TSNARE1: variants seen among roughly 807,000 people sequenced by gnomAD.
TSNARE1 encodes t-SNARE domain containing 1.
TSNARE1 carries 49 observed loss-of-function variants against 62.0 expected under a neutral mutation model. The observed-to-expected ratio is 0.79, with a 90% CI of 0.63 to 1.00. The LOEUF (loss-of-function observed/expected upper bound fraction) is 1.00, where lower values mean the gene tolerates loss of function less well. TSNARE1 is among the 50% of genes least tolerant of loss of function. The pLI, the probability that TSNARE1 is intolerant of heterozygous loss-of-function variation, is 0.00. For synonymous variants in TSNARE1, 328 were observed against 294.4 expected (o/e 1.11, Z -1.17); for missense variants, 755 against 700.1 (o/e 1.08, Z -0.88).
At chr8:142,356,685 G>A (rs1054755190) in intron 1 of TSNARE1, among the ~76,000 whole-genome samples, 1 of 152,164 alleles carries the variant, frequency 6.6e-6, no homozygotes, top group African/African-American at 2.4e-5. Context: ...CAATCACAGA[G>A]GCGCTTTACT....
chr8:142,287,166 C>T (rs943447075), intron 10 of TSNARE1, among the ~76,000 whole-genome samples: 2 of 150,570 alleles, frequency 1.3e-5, no homozygotes, highest in East Asian at 2.0e-4. Context: ...GACAGTGGGC[C>T]GCCCTCCAGG....
intron 1 of TSNARE1, among the ~76,000 whole-genome samples, chr8:142,385,228 A>T (rs938070815): frequency 1.3e-5 from 2 of 152,206 alleles, no homozygotes; most frequent in African/African-American, 4.8e-5. Flanking sequence ...GACACCTCCA[A>T]GACCCTGAAA....
chr8:142,398,234 TCCCAAAGCGCACCCCCAGCCCTG>T (rs1838035953), intron 1 of TSNARE1, among the ~76,000 whole-genome samples: 1 of 121,690 alleles, frequency 8.2e-6, no homozygotes, highest in Non-Finnish European at 1.7e-5. Flanking sequence ...CCCCAAACCC[TCCCAAAGCGCACCCCCAGCCCTG>T]CCCAAAACAC....
At chr8:142,330,810 A>G in intron 6 of TSNARE1, 91 bp downstream of exon 6, 1 of 1,337,964 alleles carries the variant, frequency 7.5e-7, no homozygotes, top group Admixed American at 1.8e-5. Flanking sequence ...GTGTGGACAA[A>G]GCCCGTGTGC....
At chr8:142,334,071 G>A (rs1205848237) in intron 4 of TSNARE1, among the ~76,000 whole-genome samples, 1 of 152,242 alleles carries the variant, frequency 6.6e-6, no homozygotes, top group African/African-American at 2.4e-5. Context: ...TGACAACAGG[G>A]AGTGTAAATG....
intron 1 of TSNARE1, among the ~76,000 whole-genome samples, chr8:142,370,523 G>A (rs1835849212): frequency 6.6e-6 from 1 of 152,132 alleles, no homozygotes; most frequent in African/African-American, 2.4e-5. Flanking sequence ...AGTGAGCCAA[G>A]CACCACCGCA....
At chr8:142,405,709 T>G (rs1236157425), upstream of TSNARE1, 1 of 109,714 alleles carries the variant, frequency 9.1e-6, no homozygotes, top group Non-Finnish European at 1.8e-5. Context: ...CCTTCCTCTC[T>G]ACCCTCTGCT....
At chr8:142,331,108 T>G in intron 5 of TSNARE1, 138 bp from the exon 6 acceptor site, 1 of 710,898 alleles carries the variant, frequency 1.4e-6, no homozygotes, top group Non-Finnish European at 2.4e-6. Context: ...GCAGACCACC[T>G]AAGTGGCCTG....
At chr8:142,232,325 G>A (rs900462361) in intron 12 of TSNARE1, among the ~76,000 whole-genome samples, 2 of 152,228 alleles carry the variant, frequency 1.3e-5, no homozygotes, top group South Asian at 2.1e-4. Context: ...GTTGGGTGTT[G>A]TGCCCATGCC....
intron 4 of TSNARE1, among the ~76,000 whole-genome samples, chr8:142,337,541 G>A (rs975715182): frequency 1.5e-4 from 23 of 152,238 alleles, no homozygotes; most frequent in African/African-American, 5.1e-4. Flanking sequence ...AGAAACGGCT[G>A]TTGAGTCACA....
intron 12 of TSNARE1, among the ~76,000 whole-genome samples, chr8:142,255,758 C>T (rs945906479): frequency 2.0e-5 from 1 of 50,968 alleles, no homozygotes; most frequent in Non-Finnish European, 5.3e-5. Context: ...ATCACCACCA[C>T]CATCACCATC....
intron 6 of TSNARE1, among the ~76,000 whole-genome samples, chr8:142,321,741 A>T (rs1563910219): frequency 6.6e-6 from 1 of 152,266 alleles, no homozygotes; most frequent in African/African-American, 2.4e-5. Context: ...CATGAATTAT[A>T]TCAAAACTGA....
intron 3 of TSNARE1, among the ~76,000 whole-genome samples, chr8:142,345,177 C>T (rs1479150846): frequency 1.3e-5 from 2 of 152,204 alleles, no homozygotes; most frequent in African/African-American, 2.4e-5. Context: ...TTTCACTAAC[C>T]GGACCAGCTT....
chr8:142,373,511 T>C (rs1190376452), intron 1 of TSNARE1, among the ~76,000 whole-genome samples: 1 of 152,076 alleles, frequency 6.6e-6, no homozygotes, highest in Non-Finnish European at 1.5e-5. Flanking sequence ...AGGGGTTCAC[T>C]GCCATCCTTC....
intron 1 of TSNARE1, among the ~76,000 whole-genome samples, chr8:142,379,646 AC>A (rs1836591344): frequency 6.6e-6 from 1 of 152,072 alleles, no homozygotes; most frequent in South Asian, 2.1e-4. Flanking sequence ...GAGGCGCGAG[AC>A]CACACAAAGG....
intron 1 of TSNARE1, among the ~76,000 whole-genome samples, chr8:142,356,519 G>C (rs1834752568): frequency 6.6e-6 from 1 of 152,200 alleles, no homozygotes; most frequent in Non-Finnish European, 1.5e-5. Flanking sequence ...CTCTGCACAT[G>C]TGCCGGGGCC....
intron 1 of TSNARE1, among the ~76,000 whole-genome samples, chr8:142,402,012 C>T (rs764011830): frequency 9.2e-5 from 14 of 152,090 alleles, no homozygotes; most frequent in Non-Finnish European, 1.9e-4. Flanking sequence ...AAACAGAAAA[C>T]AAGCAGATGA....
At chr8:142,351,969 T>C (rs1483644594) in intron 2 of TSNARE1, among the ~76,000 whole-genome samples, 2 of 152,230 alleles carry the variant, frequency 1.3e-5, no homozygotes, top group African/African-American at 4.8e-5. Context: ...GTTCAATCTT[T>C]AGAGGGAAGT....
intron 1 of TSNARE1, among the ~76,000 whole-genome samples, chr8:142,390,097 A>C (rs1054790896): frequency 1.3e-5 from 2 of 152,380 alleles, no homozygotes; most frequent in African/African-American, 4.8e-5. Flanking sequence ...ATACAGTTTT[A>C]AGGATTTTTT....
Sources: gnomAD v4.1 joint callset for allele counts (sites outside exome capture counted in the v4.1 genomes callset) on GRCh38, gnomAD v4.1.1 for gene constraint, MANE v1.5 for transcripts, NCBI Gene and HGNC (gene_info 2026-07-23, HGNC 2026-07-21) for gene names.